RTTN: variants seen among roughly 807,000 people sequenced by gnomAD.
RTTN encodes the protein rotatin.
In RTTN, 182 loss-of-function variants were observed where a neutral mutation model predicts 269.2. The ratio of observed to expected loss-of-function variants is 0.68; its 90% CI spans 0.60 to 0.76. The LOEUF is 0.76. RTTN is among the 30% of genes least tolerant of loss of function. The pLI is 0.00. For missense variants in RTTN, 2,545 were observed against 2,608.6 expected (o/e 0.98, Z 0.53); for synonymous variants, 1,006 against 963.5 (o/e 1.04, Z -0.82).
At chr18:70,012,028 G>A (rs550754223) in intron 46 of RTTN, among the ~76,000 whole-genome samples, 4 of 144,308 alleles carry the variant, frequency 2.8e-5, no homozygotes, top group South Asian at 2.4e-4. Context: ...ACAGGGCAGC[G>A]TCTGCTCACT....
At chr18:70,032,263 G>C (rs1207602754) in intron 40 of RTTN, among the ~76,000 whole-genome samples, 1 of 152,158 alleles carries the variant, frequency 6.6e-6, no homozygotes, top group Non-Finnish European at 1.5e-5. Context: ...CAGAGCCCGA[G>C]CCTAGCCACA....
At chr18:70,016,975 A>T (rs1186589531) in intron 46 of RTTN, among the ~76,000 whole-genome samples, 1 of 152,094 alleles carries the variant, frequency 6.6e-6, no homozygotes, top group African/African-American at 2.4e-5. Flanking sequence ...AGGAAAGGAA[A>T]TAGTGAGGAG....
At chr18:70,136,933 C>A (rs932543209) in intron 21 of RTTN, among the ~76,000 whole-genome samples, 1 of 151,938 alleles carries the variant, frequency 6.6e-6, no homozygotes, top group African/African-American at 2.4e-5. Flanking sequence ...TGTATACTCA[C>A]ATGAAATAAT....
At chr18:70,157,143 C>G (rs867175944) in intron 14 of RTTN, among the ~76,000 whole-genome samples, 2,644 of 152,280 alleles carry the variant, frequency 0.017, 29 homozygotes, top group South Asian at 0.038. Context: ...CCATGGTTAC[C>G]CCCACCACAA....
At chr18:70,018,816 G>A (rs2056616488) in intron 45 of RTTN, among the ~76,000 whole-genome samples, 1 of 138,268 alleles carries the variant, frequency 7.2e-6, no homozygotes, top group African/African-American at 2.7e-5. Flanking sequence ...TAAATGTGCT[G>A]TGGGCACTCC....
intron 11 of RTTN, among the ~76,000 whole-genome samples, chr18:70,174,833 A>C (rs1322372900): frequency 4.0e-5 from 6 of 151,368 alleles, no homozygotes; most frequent in Non-Finnish European, 4.4e-5. Flanking sequence ...TCAGCCTGGC[A>C]AACATGGCGA....
intron 4 of RTTN, among the ~76,000 whole-genome samples, chr18:70,201,469 G>A (rs1337937294): frequency 2.6e-5 from 4 of 151,006 alleles, no homozygotes; most frequent in East Asian, 3.9e-4. Context: ...TTAGCTGGGC[G>A]TAGTGGCGGG....
At chr18:70,091,384 G>A in intron 30 of RTTN, among the ~76,000 whole-genome samples, 1 of 151,856 alleles carries the variant, frequency 6.6e-6, no homozygotes, top group Non-Finnish European at 1.5e-5. Flanking sequence ...TCATAAGGGA[G>A]TGGTCCTATC....
In RTTN at chr18:70,197,679, A is replaced by C; in HGVS notation, c.638T>G (p.Val213Gly). 1 of 1,614,014 alleles carries C rather than the reference A, an allele frequency of 6.2e-7. No individual in the cohort carries two copies. The highest frequency in any genetic ancestry group is 8.5e-7 in the Non-Finnish European group (1 of 1,179,888). Residue 213 changes from valine to glycine, a missense_variant, in exon 6 of 49, where the codon GTT becomes GGT. Physicochemically the swap from Val to Gly is moderately radical, Grantham distance 109 (BLOSUM62 -3). Transcript: ENST00000640769. ...CTCAGCAGGAAAATCTTGCATGATA[A>C]CATCCTTCAATAGTTCACAGGTGTT... is the stretch of plus-strand genomic sequence containing the variant. ...IWNTCELLKD[V>G]IMQDFPAEIF... is the part of the protein sequence containing the mutation.
chr18:70,098,762 T>G (rs965409714), intron 28 of RTTN, among the ~76,000 whole-genome samples: 1 of 152,198 alleles, frequency 6.6e-6, no homozygotes, highest in Non-Finnish European at 1.5e-5. Flanking sequence ...TCATTTATAT[T>G]AGGTATATCT....
chr18:70,041,866 A>G (rs1434200510), intron 40 of RTTN, among the ~76,000 whole-genome samples: 1 of 152,096 alleles, frequency 6.6e-6, no homozygotes. Flanking sequence ...ACCTCCAGGA[A>G]AGAGATCAGA....
At chr18:70,025,135 C>G (rs2056818088) in intron 43 of RTTN, among the ~76,000 whole-genome samples, 1 of 152,188 alleles carries the variant, frequency 6.6e-6, no homozygotes, top group Non-Finnish European at 1.5e-5. Flanking sequence ...AAAGTGATAT[C>G]TCACAACACT....
At chr18:70,201,001 A>T (rs2061930702) in intron 4 of RTTN, among the ~76,000 whole-genome samples, 1 of 152,256 alleles carries the variant, frequency 6.6e-6, no homozygotes, top group African/African-American at 2.4e-5. Context: ...ATAATAAAAA[A>T]TAATGTGTTA....
rs769127947 is a variant in RTTN, at chr18:70,029,974, T to C, written c.5745+38A>G. The C allele has an allele frequency of 4.9e-6, 7 of 1,424,954 alleles. No individual in the cohort carries two copies. The South Asian group carries it at 8.2e-5, about 17-fold the overall frequency. The allele number at this position is 1,424,954 out of a possible 1,614,324, so 88.3% of individuals were successfully genotyped here. On this transcript the variant is annotated intron_variant, in intron 42 of 48. Coordinates refer to ENST00000640769, the MANE Select transcript of RTTN (RefSeq NM_173630.4). ...TAGGCACAAGAGGACTGGAGAATGG[T>C]CTCTATATATAGCCATTCATTTATC...
Position 70,059,840 on chromosome 18 carries a change from T to C in RTTN, c.4940+10A>G. The C allele has an allele frequency of 6.4e-7, 1 of 1,566,938 alleles. No individual in the cohort carries two copies. Among genetic ancestry groups the C allele is most frequent in the African/African-American group, 1.4e-5 (1 of 73,386 alleles). On this transcript the variant is annotated intron_variant, in intron 36 of 48. Transcript: ENST00000640769. Reference sequence around the variant, plus strand: ...ACTAACATGCCTCTCTAGGAGTATTTATCTCTTACCTACAGAGAAGTTCTA... The same window carrying C: ...ACTAACATGCCTCTCTAGGAGTATTCATCTCTTACCTACAGAGAAGTTCTA...
At chr18:70,156,432 T>A (rs1015730028) in intron 14 of RTTN, among the ~76,000 whole-genome samples, 7 of 152,202 alleles carry the variant, frequency 4.6e-5, no homozygotes, top group African/African-American at 1.7e-4. Context: ...TAAGATGTTA[T>A]CAATGACAAT....
At chr18:70,045,838 C>A (rs1287125538) in intron 40 of RTTN, among the ~76,000 whole-genome samples, 1 of 152,130 alleles carries the variant, frequency 6.6e-6, no homozygotes, top group Non-Finnish European at 1.5e-5. Flanking sequence ...TATCCATACC[C>A]TCACAAAATA....
At chr18:70,122,045 T>C (rs1220620327) in intron 25 of RTTN, among the ~76,000 whole-genome samples, 3 of 152,124 alleles carry the variant, frequency 2.0e-5, no homozygotes, top group African/African-American at 7.2e-5. Flanking sequence ...ATACTGGGAA[T>C]GTCATGTTTC....
chr18:70,203,259 G>C (rs997818221), intron 3 of RTTN, among the ~76,000 whole-genome samples: 3 of 151,862 alleles, frequency 2.0e-5, no homozygotes, highest in African/African-American at 4.8e-5. Context: ...GAGTGCAATG[G>C]AGTGATCTCA....
Sources: allele counts gnomAD v4.1 joint callset (sites outside exome capture counted in the v4.1 genomes callset), GRCh38; gene constraint gnomAD v4.1.1; transcripts MANE v1.5; gene names NCBI Gene and HGNC (gene_info 2026-07-23, HGNC 2026-07-21).